The following FAM193A variants were observed in gnomAD, a reference collection of about 807,000 sequenced individuals.
The protein encoded by FAM193A is protein FAM193A.
Under a neutral mutation model 126.5 loss-of-function variants are expected in FAM193A, and 22 were observed. The observed-to-expected ratio is 0.17, with a 90% CI of 0.12 to 0.25. The LOEUF (loss-of-function observed/expected upper bound fraction) is 0.25. Ranked by LOEUF, FAM193A falls within the 10% of genes least tolerant of loss-of-function variation. FAM193A has a pLI of 1.00. For missense variants in FAM193A, 1,675 were observed against 1,672.8 expected, an observed-to-expected ratio of 1.00 and a Z score of -0.02; for synonymous variants, 761 against 646.8, an observed-to-expected ratio of 1.18 and a Z score of -2.68.
chr4:2,644,827 A>G (rs2109044876), intron 6 of FAM193A, among the ~76,000 whole-genome samples: 1 of 152,330 alleles, frequency 6.6e-6, no homozygotes, highest in Non-Finnish European at 1.5e-5. Flanking sequence ...TAGCTTGTTT[A>G]TTATAAAATC....
chr4:2,566,269 G>T (rs774953249), intron 1 of FAM193A, among the ~76,000 whole-genome samples: 1 of 152,058 alleles, frequency 6.6e-6, no homozygotes, highest in Non-Finnish European at 1.5e-5. Context: ...GCATGGTCTC[G>T]ATCTTCTGAC....
chr4:2,602,851 T>G (rs953675192), intron 2 of FAM193A, among the ~76,000 whole-genome samples: 1 of 147,676 alleles, frequency 6.8e-6, no homozygotes, highest in Non-Finnish European at 1.5e-5. Context: ...TAGTAGAGAT[T>G]GGGTTTCACC....
At chr4:2,716,213 A>G in intron 20 of FAM193A, 109 bp downstream of exon 20, 1 of 778,170 alleles carries the variant, frequency 1.3e-6, no homozygotes, top group Non-Finnish European at 2.3e-6. Flanking sequence ...AAGTTACATC[A>G]AGCAAGCCAG....
At chr4:2,642,260 G>A (rs113260920) in intron 6 of FAM193A, among the ~76,000 whole-genome samples, 11 of 151,934 alleles carry the variant, frequency 7.2e-5, no homozygotes, top group East Asian at 3.9e-4. Context: ...CCGAGATCAC[G>A]CCACTACACT....
At chr4:2,548,366 C>A (rs1024063155) in intron 1 of FAM193A, among the ~76,000 whole-genome samples, 1 of 152,130 alleles carries the variant, frequency 6.6e-6, no homozygotes, top group South Asian at 2.1e-4. Context: ...CCACCATGCC[C>A]GGCCTACTTT....
In FAM193A at chr4:2,646,732, C is replaced by T. The variant is rs913170203; in HGVS notation, c.1211C>T (p.Thr404Ile). ...ACCTGCAGTGAGGACACATACAGTA[C>T]CTTGCTGCAGAGGTACCAGCGTTCC... ...HDTCSEDTYS[T>I]LLQRYQRSEE... Residue 404 changes from threonine (T) to isoleucine (I), a missense_variant, in exon 7 of 21, where the codon ACC (threonine) becomes ATC (isoleucine). By Grantham distance (89) the Thr-to-Ile change is moderately conservative. This residue lies in a region of FAM193A where 1,186 missense variants were observed against 1,109.2 expected (regional missense o/e 1.07). Coordinates refer to ENST00000637812, the MANE Select transcript of FAM193A (RefSeq NM_001366318.2). 6.2e-7 allele frequency: 1 copy of T among 1,614,086 alleles called. No homozygotes were observed. Among genetic ancestry groups the T allele is most frequent in the South Asian group, 1.1e-5 (1 of 91,070 alleles).
rs34320054 is a variant in FAM193A, at chr4:2,561,497, CT to C, written c.255+24344del. Among the ~76,000 whole-genome samples the C allele has an allele frequency of 3.5e-3, 417 of 117,518 alleles. 1 individual carries two copies. Among genetic ancestry groups the C allele is most frequent in the African/African-American group, 8.4e-3 (261 of 30,976 alleles). The allele number at this position is 117,518 out of a possible 152,430, so 77.1% of individuals were successfully genotyped here. A position where few individuals can be genotyped will look rare whatever the true frequency, so the allele number is the denominator to read the frequency against. ...CATGCCTGGCTGCTTGTAGAGATTT[CT>C]TTTTTTTTTTTTTTTTGAGACCGAG... On this transcript the variant is annotated intron_variant, in intron 1 of 20. Transcript: ENST00000637812.
chr4:2,681,225 T>C (rs1380106139), intron 13 of FAM193A, among the ~76,000 whole-genome samples: 1 of 152,136 alleles, frequency 6.6e-6, no homozygotes, highest in Non-Finnish European at 1.5e-5. Context: ...TGAGTCTTTT[T>C]TTTTTCTTAC....
chr4:2,589,115 T>G (rs1021499436), intron 1 of FAM193A, among the ~76,000 whole-genome samples: 1 of 152,202 alleles, frequency 6.6e-6, no homozygotes, highest in African/African-American at 2.4e-5. Context: ...TCTGGATAAG[T>G]AGCATCAAAA....
intron 20 of FAM193A, among the ~76,000 whole-genome samples, chr4:2,719,413 G>A (rs950081449): frequency 1.3e-5 from 2 of 152,150 alleles, no homozygotes; most frequent in East Asian, 1.9e-4. Flanking sequence ...GAGCAAATTG[G>A]TTTATCCCAG....
At chr4:2,655,183 C>A (rs771376161) in intron 7 of FAM193A, 2 of 630,344 alleles carry the variant, frequency 3.2e-6, no homozygotes, top group Non-Finnish European at 5.8e-6. Flanking sequence ...TTGATACTTT[C>A]TAGCAAATTA....
At chr4:2,683,393 C>T (rs1284784508) in intron 13 of FAM193A, among the ~76,000 whole-genome samples, 1 of 151,840 alleles carries the variant, frequency 6.6e-6, no homozygotes, top group Non-Finnish European at 1.5e-5. Flanking sequence ...CTCCCAGGTT[C>T]AAGTGATGCT....
chr4:2,655,444 C>T (rs956502737), intron 7 of FAM193A, among the ~76,000 whole-genome samples: 18 of 150,790 alleles, frequency 1.2e-4, no homozygotes, highest in East Asian at 5.8e-4. Context: ...TGTGCGTGTG[C>T]GCCTGTGTGT....
intron 15 of FAM193A, among the ~76,000 whole-genome samples, chr4:2,692,478 G>A (rs1002542845): frequency 2.6e-5 from 4 of 152,220 alleles, no homozygotes; most frequent in Non-Finnish European, 5.9e-5. Flanking sequence ...AATGGTGGGT[G>A]CCAGACTCTG....
chr4:2,697,319 G>A (rs1016966467), intron 18 of FAM193A, among the ~76,000 whole-genome samples: 3 of 152,126 alleles, frequency 2.0e-5, no homozygotes, highest in African/African-American at 7.2e-5. Context: ...TTATGCCACT[G>A]CCCTCCAGCC....
intron 1 of FAM193A, among the ~76,000 whole-genome samples, chr4:2,583,726 G>A (rs1251927069): frequency 1.3e-5 from 2 of 152,164 alleles, no homozygotes. Flanking sequence ...CTTCTTACTA[G>A]TGTGTCTGAT....
chr4:2,694,889 T>G (rs1169546065), intron 16 of FAM193A, 57 bp from the exon 17 acceptor site: 7 of 1,454,390 alleles, frequency 4.8e-6, no homozygotes, highest in African/African-American at 1.4e-5. Flanking sequence ...TGCAACAATG[T>G]GAGTCATTGC....
intron 1 of FAM193A, among the ~76,000 whole-genome samples, chr4:2,540,824 A>C (rs1034904434): frequency 6.7e-6 from 1 of 150,308 alleles, no homozygotes; most frequent in Admixed American, 6.6e-5. Context: ...AGCCGGGAAT[A>C]GTGGTGGATG....
chr4:2,543,496 A>G (rs1737357419), intron 1 of FAM193A, among the ~76,000 whole-genome samples: 1 of 151,820 alleles, frequency 6.6e-6, no homozygotes, highest in East Asian at 1.9e-4. Flanking sequence ...CAGGAGTTTG[A>G]GATCAGCCTG....
Sources: allele counts gnomAD v4.1 joint callset (sites outside exome capture counted in the v4.1 genomes callset), GRCh38; gene constraint gnomAD v4.1.1; regional missense constraint gnomAD v4.1.1; transcripts MANE v1.5; gene names NCBI Gene and HGNC (gene_info 2026-07-23, HGNC 2026-07-21).